The following TMEM132D variants were observed in gnomAD, a reference collection of about 807,000 sequenced individuals.
The protein encoded by TMEM132D is transmembrane protein 132D.
TMEM132D carries 21 observed loss-of-function variants against 62.3 expected under a neutral mutation model. The ratio of observed to expected loss-of-function variants is 0.34; its 90% CI spans 0.24 to 0.49. The LOEUF (loss-of-function observed/expected upper bound fraction) is 0.49, where lower values mean the gene tolerates loss of function less well. Ranked by LOEUF, TMEM132D falls within the 20% of genes least tolerant of loss-of-function variation. The probability of loss-of-function intolerance (pLI) is 0.99; values close to 1 mark genes in which losing one functional copy is unlikely to be tolerated. For synonymous variants in TMEM132D, 621 were observed against 575.6 expected (o/e 1.08, Z -1.13); for missense variants, 1,346 against 1,402.8 (o/e 0.96, Z 0.65).
At chr12:129,259,648 G>A (rs1880501198) in intron 4 of TMEM132D, among the ~76,000 whole-genome samples, 2 of 152,168 alleles carry the variant, frequency 1.3e-5, no homozygotes, top group Non-Finnish European at 2.9e-5. Flanking sequence ...AGCGAGGTAG[G>A]AGGCTCTTGC....
chr12:129,577,352 T>C (rs963969549), intron 2 of TMEM132D, among the ~76,000 whole-genome samples: 1 of 150,980 alleles, frequency 6.6e-6, no homozygotes, highest in Non-Finnish European at 1.5e-5. Context: ...TGTATTTCTA[T>C]GTATATCCTC....
intron 2 of TMEM132D, among the ~76,000 whole-genome samples, chr12:129,551,208 T>G (rs1876885777): frequency 6.6e-6 from 1 of 152,372 alleles, no homozygotes; most frequent in Non-Finnish European, 1.5e-5. Flanking sequence ...ATCTACTAAC[T>G]TTTGTCCTTC....
intron 5 of TMEM132D, among the ~76,000 whole-genome samples, chr12:129,197,149 G>A (rs539676028): frequency 2.0e-5 from 3 of 152,266 alleles, no homozygotes; most frequent in African/African-American, 7.2e-5. Flanking sequence ...AAATGAGTGG[G>A]TGTGGCTGTG....
At chr12:129,438,125 A>G (rs891465544) in intron 3 of TMEM132D, among the ~76,000 whole-genome samples, 15 of 152,106 alleles carry the variant, frequency 9.9e-5, no homozygotes, top group Non-Finnish European at 1.6e-4. Flanking sequence ...CATTCTTTTT[A>G]AAATCCAGTC....
chr12:129,233,597 T>C (rs1385421868), intron 4 of TMEM132D, among the ~76,000 whole-genome samples: 1 of 152,132 alleles, frequency 6.6e-6, no homozygotes, highest in African/African-American at 2.4e-5. Flanking sequence ...CTGATATTAT[T>C]AATTTTTATT....
chr12:129,337,939 A>G, intron 3 of TMEM132D, 122 bp from the exon 4 acceptor site: 1 of 1,001,378 alleles, frequency 1.0e-6, no homozygotes, highest in Non-Finnish European at 1.4e-6. Flanking sequence ...AAGCGCACAC[A>G]TCTCTGCAAA....
At chr12:129,846,243 C>T (rs948762158) in intron 1 of TMEM132D, among the ~76,000 whole-genome samples, 5 of 152,178 alleles carry the variant, frequency 3.3e-5, no homozygotes, top group African/African-American at 4.8e-5. Context: ...TTATCATGGC[C>T]TTTCATTCAT....
rs555823811 is a variant in TMEM132D, at chr12:129,602,241, C to A, written c.969-71036G>T. On this transcript the variant is annotated intron_variant, in intron 2 of 8. Transcript: ENST00000422113. ...GCAAGTATTATATCCACACTATAGG[C>A]TAAGAATGTGCAGACACCTACCCAT... Among the ~76,000 whole-genome samples the A allele has an allele frequency of 3.3e-5, 5 of 152,242 alleles. No individual in the cohort carries two copies. In the East Asian group the frequency reaches 9.7e-4, roughly 29 times the overall value.
intron 2 of TMEM132D, among the ~76,000 whole-genome samples, chr12:129,621,905 C>T (rs75130352): frequency 0.019 from 2,927 of 152,264 alleles, 88 homozygotes; most frequent in African/African-American, 0.066. Flanking sequence ...GTTTTTCTTC[C>T]TTCTTTTCTC....
At chr12:129,147,237 TAC>T (rs1192063684) in intron 5 of TMEM132D, among the ~76,000 whole-genome samples, 2 of 128,674 alleles carry the variant, frequency 1.6e-5, no homozygotes, top group African/African-American at 6.8e-5. Context: ...TATGTATATA[TAC>T]ATATGTTTAT....
At chr12:129,519,058 C>T (rs1242091517) in intron 3 of TMEM132D, among the ~76,000 whole-genome samples, 1 of 152,138 alleles carries the variant, frequency 6.6e-6, no homozygotes, top group Non-Finnish European at 1.5e-5. Flanking sequence ...TTGGCTTTTA[C>T]ATGTTAAAGA....
At position 129,343,923 on chromosome 12, in the gene TMEM132D, C is replaced by T. The variant is rs191954723; in HGVS notation, c.1116-6106G>A. Among the ~76,000 whole-genome samples the T allele has an allele frequency of 1.6e-3, 249 of 152,154 alleles. 3 individuals carry two copies. The highest frequency in any genetic ancestry group is 6.5e-4 in the Non-Finnish European group (44 of 68,004). ...CTGCACTCCAACCTGGGTGACAGAGCGAGACCCTGTCTCAAAAAAATGAAG... is the reference window on the plus strand; with the variant it reads ...CTGCACTCCAACCTGGGTGACAGAGTGAGACCCTGTCTCAAAAAAATGAAG... On this transcript the variant is annotated intron_variant, in intron 3 of 8. Coordinates refer to ENST00000422113, the MANE Select transcript of TMEM132D (RefSeq NM_133448.3).
At chr12:129,229,653 G>A (rs1879581208) in intron 4 of TMEM132D, among the ~76,000 whole-genome samples, 1 of 152,190 alleles carries the variant, frequency 6.6e-6, no homozygotes, top group African/African-American at 2.4e-5. Flanking sequence ...GGTATGGAAA[G>A]GACATAGAAA....
At chr12:129,158,385 G>A (rs1877304119) in intron 5 of TMEM132D, among the ~76,000 whole-genome samples, 1 of 151,108 alleles carries the variant, frequency 6.6e-6, no homozygotes, top group Non-Finnish European at 1.5e-5. Flanking sequence ...AGGTTTTTGA[G>A]AAAAAAAAAA....
chr12:129,315,939 T>C (rs1433371089), intron 4 of TMEM132D, among the ~76,000 whole-genome samples: 2 of 152,188 alleles, frequency 1.3e-5, no homozygotes, highest in Non-Finnish European at 2.9e-5. Flanking sequence ...AAGGTGTTCA[T>C]AGTAACCTTG....
chr12:129,754,134 C>T (rs576113527), intron 1 of TMEM132D, among the ~76,000 whole-genome samples: 5 of 152,194 alleles, frequency 3.3e-5, no homozygotes, highest in African/African-American at 4.8e-5. Context: ...AAGAAAAGAG[C>T]GGGAAAAGTA....
At chr12:129,576,465 C>T (rs983531110) in intron 2 of TMEM132D, among the ~76,000 whole-genome samples, 2 of 151,250 alleles carry the variant, frequency 1.3e-5, no homozygotes, top group Admixed American at 6.6e-5. Flanking sequence ...TGTGTATAAA[C>T]ATATATGCAT....
chr12:129,364,359 T>TGGTA (rs1434395968), intron 3 of TMEM132D, among the ~76,000 whole-genome samples: 5 of 152,220 alleles, frequency 3.3e-5, no homozygotes, highest in Non-Finnish European at 7.3e-5. Context: ...GTAGTTCATG[T>TGGTA]GGTACATCTT....
At chr12:129,178,149 A>C (rs1877960681) in intron 5 of TMEM132D, among the ~76,000 whole-genome samples, 1 of 152,032 alleles carries the variant, frequency 6.6e-6, no homozygotes, top group African/African-American at 2.4e-5. Flanking sequence ...TATGTACCAC[A>C]TTTTCTTTAC....
Sources: allele counts gnomAD v4.1 joint callset (sites outside exome capture counted in the v4.1 genomes callset), GRCh38; gene constraint gnomAD v4.1.1; transcripts MANE v1.5; gene names NCBI Gene and HGNC (gene_info 2026-07-23, HGNC 2026-07-21).